The following CHST9 variants were observed in gnomAD, a reference collection of about 807,000 sequenced individuals.
CHST9 encodes the protein GalNAc-4-sulfotransferase 2.
CHST9 carries 41 observed loss-of-function variants against 44.4 expected under a neutral mutation model. That is an observed-to-expected ratio of 0.92 (90% CI 0.72 to 1.20). The LOEUF (loss-of-function observed/expected upper bound fraction) is 1.20. Ranked by LOEUF, CHST9 falls within the 50% of genes most tolerant of loss-of-function variation. The probability of loss-of-function intolerance (pLI) is 0.00; values close to 1 mark genes in which losing one functional copy is unlikely to be tolerated. For missense variants in CHST9, 504 were observed against 516.5 expected (o/e 0.98, Z 0.23); for synonymous variants, 171 against 178.4 (o/e 0.96, Z 0.33).
chr18:27,026,909 C>A (rs2057290517), intron 3 of CHST9, among the ~76,000 whole-genome samples: 1 of 152,162 alleles, frequency 6.6e-6, no homozygotes, highest in African/African-American at 2.4e-5. Context: ...CCTTTCATTC[C>A]ATAACTTATT....
rs117126833 is a variant in CHST9 at position 27,099,973 on chromosome 18, G to A, written c.121+42716C>T. Among the ~76,000 whole-genome samples the A allele has an allele frequency of 9.0e-3, 1,366 of 151,496 alleles. 16 individuals are homozygous for A. The highest frequency in any genetic ancestry group is 0.032 in the South Asian group (155 of 4,772). On this transcript the variant is annotated intron_variant, in intron 2 of 5. Coordinates refer to ENST00000618847, the MANE Select transcript of CHST9 (RefSeq NM_031422.6). ...TAGCAAAGACATGGAATCAACCTAG[G>A]TGTCCATCAATGGTATTTTGGATAA...
chr18:27,121,789 C>T (rs2058376622), intron 2 of CHST9, among the ~76,000 whole-genome samples: 4 of 152,176 alleles, frequency 2.6e-5, no homozygotes, highest in Admixed American at 2.6e-4. Flanking sequence ...ATTCTGAAAT[C>T]ACTCTGGACT....
intron 4 of CHST9, among the ~76,000 whole-genome samples, chr18:26,994,699 T>C (rs879696032): frequency 1.3e-5 from 2 of 151,986 alleles, no homozygotes; most frequent in Non-Finnish European, 2.9e-5. Context: ...AAGTGATTCT[T>C]TGCCTCAGCC....
chr18:27,105,927 T>A (rs2058217369), intron 2 of CHST9, among the ~76,000 whole-genome samples: 1 of 152,146 alleles, frequency 6.6e-6, no homozygotes, highest in Non-Finnish European at 1.5e-5. Context: ...GAAAAACATG[T>A]ATCAATTAAT....
At chr18:27,015,517 G>A (rs1028144873) in intron 4 of CHST9, among the ~76,000 whole-genome samples, 1 of 152,126 alleles carries the variant, frequency 6.6e-6, no homozygotes, top group African/African-American at 2.4e-5. Flanking sequence ...GTCTTGTTGG[G>A]AGCATCCAGT....
intron 5 of CHST9, chr18:26,936,146 T>C (rs917291636): frequency 4.6e-5 from 7 of 152,206 alleles, no homozygotes; most frequent in African/African-American, 1.7e-4. Context: ...ATGTAGACCA[T>C]ATATACAACA....
At position 27,142,907 on chromosome 18, in the gene CHST9, T is replaced by C; in HGVS notation, c.-96-2A>G. Reference sequence around the variant, plus strand: ...AAGAGCCCAATTCCATAAAGTAACCTAGAATTTTAAAAAGAAATCTACATT... The same window carrying C: ...AAGAGCCCAATTCCATAAAGTAACCCAGAATTTTAAAAAGAAATCTACATT... On this transcript the variant is annotated splice_acceptor_variant, in intron 1 of 5. Transcript: ENST00000618847. LOFTEE classifies it low-confidence loss of function (5UTR_SPLICE). 4 of 1,153,364 alleles carry C rather than the reference T, an allele frequency of 3.5e-6. No individual in the cohort carries two copies. The highest frequency in any genetic ancestry group is 1.7e-5 in the South Asian group (1 of 57,404). 71.4% of individuals were successfully genotyped at this position (1,153,364 alleles called of 1,614,324 possible).
chr18:26,949,351 T>C (rs760962649), intron 4 of CHST9, among the ~76,000 whole-genome samples: 4 of 151,898 alleles, frequency 2.6e-5, no homozygotes, highest in Non-Finnish European at 5.9e-5. Context: ...TTATTAAAGA[T>C]ACAATGAGAA....
chr18:27,082,340 G>C lies in CHST9; in HGVS notation c.122-33837C>G, dbSNP rs1215678628. Reference sequence around the variant, plus strand: ...TACTATCAGATAATTCTCAGATTTAGTATTGATTTATCTAAAGAACAATGT... The same window carrying C: ...TACTATCAGATAATTCTCAGATTTACTATTGATTTATCTAAAGAACAATGT... On this transcript the variant is annotated intron_variant, in intron 2 of 5. Coordinates refer to ENST00000618847, the MANE Select transcript of CHST9 (RefSeq NM_031422.6). Among the ~76,000 whole-genome samples, 3 of 152,110 alleles carry C rather than the reference G, an allele frequency of 2.0e-5. No homozygotes were observed. The East Asian group carries it at 5.8e-4, about 29-fold the overall frequency.
chr18:27,089,547 T>G (rs934162212), intron 2 of CHST9, among the ~76,000 whole-genome samples: 8 of 152,298 alleles, frequency 5.3e-5, no homozygotes, highest in South Asian at 2.1e-4. Flanking sequence ...TGATGGACAT[T>G]TGGGTTGGTT....
chr18:27,046,412 G>T (rs2057500525), intron 3 of CHST9, among the ~76,000 whole-genome samples: 1 of 151,900 alleles, frequency 6.6e-6, no homozygotes, highest in African/African-American at 2.4e-5. Context: ...ATAGGATAGG[G>T]TAGATTGAAA....
chr18:27,093,421 G>T (rs996179115), intron 2 of CHST9, among the ~76,000 whole-genome samples: 2 of 152,218 alleles, frequency 1.3e-5, no homozygotes, highest in African/African-American at 4.8e-5. Flanking sequence ...CTTCCTGGAC[G>T]CTTTGTTTAC....
chr18:26,935,960 A>G (rs1192109643), intron 5 of CHST9: 1 of 152,188 alleles, frequency 6.6e-6, no homozygotes, highest in African/African-American at 2.4e-5. Flanking sequence ...AGGAATGCCT[A>G]GTGACTTTCT....
intron 2 of CHST9, among the ~76,000 whole-genome samples, chr18:27,087,235 G>A (rs564081852): frequency 2.3e-3 from 356 of 152,176 alleles, no homozygotes; most frequent in Non-Finnish European, 4.4e-3. Flanking sequence ...ATTGACATCA[G>A]AAATGTCAGC....
chr18:27,011,645 T>C (rs1189027582), intron 4 of CHST9, among the ~76,000 whole-genome samples: 1 of 152,240 alleles, frequency 6.6e-6, no homozygotes, highest in African/African-American at 2.4e-5. Flanking sequence ...ACCATAGAAA[T>C]AAGTTCAGGG....
At chr18:27,164,330 A>AT (rs1163378937) in intron 1 of CHST9, among the ~76,000 whole-genome samples, 2 of 151,848 alleles carry the variant, frequency 1.3e-5, no homozygotes, top group Non-Finnish European at 2.9e-5. Context: ...AAGAAAAAAA[A>AT]AAAACGCTTT....
At chr18:26,970,751 C>T (rs1450570913) in intron 4 of CHST9, among the ~76,000 whole-genome samples, 3 of 152,146 alleles carry the variant, frequency 2.0e-5, no homozygotes, top group Non-Finnish European at 2.9e-5. Flanking sequence ...TCATAATTGC[C>T]ACCTCATAAA....
intron 2 of CHST9, among the ~76,000 whole-genome samples, chr18:27,053,232 A>AAGAAGG (rs1568151058): frequency 2.9e-5 from 2 of 69,276 alleles, no homozygotes; most frequent in Admixed American, 1.4e-4. Context: ...GAAGAAGAAG[A>AAGAAGG]AGAAGAAGAA....
At chr18:27,099,912 A>G (rs556852562) in intron 2 of CHST9, among the ~76,000 whole-genome samples, 43 of 152,258 alleles carry the variant, frequency 2.8e-4, no homozygotes, top group Non-Finnish European at 5.7e-4. Flanking sequence ...TACTAAAAAG[A>G]TACATGCATG....
Sources: allele counts gnomAD v4.1 joint callset (sites outside exome capture counted in the v4.1 genomes callset), GRCh38; gene constraint gnomAD v4.1.1; transcripts MANE v1.5; gene names NCBI Gene and HGNC (gene_info 2026-07-23, HGNC 2026-07-21).